MALRD1: variants seen among roughly 807,000 people sequenced by gnomAD.
MALRD1 encodes MAM and LDL receptor class A domain containing 1.
Under a neutral mutation model 242.1 loss-of-function variants are expected in MALRD1, and 247 were observed. That is an observed-to-expected ratio of 1.02 (90% CI 0.92 to 1.13). MALRD1 has a LOEUF of 1.13. MALRD1 is among the 50% of genes most tolerant of loss of function. MALRD1 has a pLI of 0.00. For missense variants in MALRD1, 2,989 were observed against 2,533.1 expected, an observed-to-expected ratio of 1.18 and a Z score of -3.86; for synonymous variants, 995 against 866.6, an observed-to-expected ratio of 1.15 and a Z score of -2.60.
chr10:19,706,744 G>A (rs764536296), intron 38 of MALRD1, among the ~76,000 whole-genome samples: 14 of 152,274 alleles, frequency 9.2e-5, no homozygotes, highest in Non-Finnish European at 1.6e-4. Context: ...AGACAGAGAA[G>A]GATAGCAGTT....
intron 28 of MALRD1, among the ~76,000 whole-genome samples, chr10:19,395,718 T>G (rs1046286636): frequency 6.6e-6 from 1 of 152,212 alleles, no homozygotes; most frequent in African/African-American, 2.4e-5. Flanking sequence ...ATCACAATGC[T>G]CTAGTTATAT....
intron 14 of MALRD1, among the ~76,000 whole-genome samples, chr10:19,179,844 G>C (rs1324884844): frequency 6.6e-6 from 1 of 152,064 alleles, no homozygotes; most frequent in Non-Finnish European, 1.5e-5. Flanking sequence ...TATAGATCCT[G>C]CCTAGTTCTA....
In MALRD1 at chr10:19,165,619, A is replaced by C; in HGVS notation, c.1657-18A>C. On this transcript the variant is annotated intron_variant, in intron 12 of 39. Coordinates refer to ENST00000454679, the MANE Select transcript of MALRD1 (RefSeq NM_001142308.3). ...GGTCAATGGAATATTTATATCATTGAAAACATGTTTTCAACAGGTGCAGTT... is the reference window on the plus strand; with the variant it reads ...GGTCAATGGAATATTTATATCATTGCAAACATGTTTTCAACAGGTGCAGTT... 8.1e-7 allele frequency: 1 copy of C among 1,229,840 alleles called. No homozygotes were observed. The highest frequency in any genetic ancestry group is 1.0e-6 in the Non-Finnish European group (1 of 986,308). The allele number at this position is 1,229,840 out of a possible 1,614,324, so 76.2% of individuals were successfully genotyped here.
At chr10:19,314,833 A>C (rs920921399) in intron 21 of MALRD1, among the ~76,000 whole-genome samples, 1 of 151,268 alleles carries the variant, frequency 6.6e-6, no homozygotes, top group African/African-American at 2.4e-5. Flanking sequence ...TTCTGACCCC[A>C]GTTGTAGACC....
At chr10:19,424,111 G>A (rs1833816599) in intron 28 of MALRD1, among the ~76,000 whole-genome samples, 1 of 152,084 alleles carries the variant, frequency 6.6e-6, no homozygotes, top group Non-Finnish European at 1.5e-5. Context: ...TCTAGCTCAT[G>A]TGTGTTTCTG....
intron 32 of MALRD1, among the ~76,000 whole-genome samples, chr10:19,546,142 G>C (rs1249877328): frequency 1.3e-5 from 2 of 152,102 alleles, no homozygotes; most frequent in Non-Finnish European, 2.9e-5. Flanking sequence ...TGGTTACTTA[G>C]TGTTCTATTT....
At chr10:19,166,828 C>T (rs1371886716) in intron 13 of MALRD1, among the ~76,000 whole-genome samples, 6 of 152,086 alleles carry the variant, frequency 3.9e-5, no homozygotes, top group African/African-American at 1.4e-4. Context: ...ATTTTGGAAA[C>T]TAGATTGGAT....
At chr10:19,105,582 A>G (rs1016917102) in intron 5 of MALRD1, among the ~76,000 whole-genome samples, 3 of 151,924 alleles carry the variant, frequency 2.0e-5, no homozygotes, top group Non-Finnish European at 2.9e-5. Context: ...TGGTACTTCT[A>G]TTTTCAACTT....
At chr10:19,097,117 A>C (rs1482474216) in intron 4 of MALRD1, among the ~76,000 whole-genome samples, 1 of 152,166 alleles carries the variant, frequency 6.6e-6, no homozygotes, top group African/African-American at 2.4e-5. Flanking sequence ...ACTTCTTTGG[A>C]TACATAATTT....
chr10:19,161,466 C>A (rs1834397067), intron 12 of MALRD1, among the ~76,000 whole-genome samples: 1 of 128,830 alleles, frequency 7.8e-6, no homozygotes, highest in African/African-American at 2.8e-5. Context: ...AACTAACCTG[C>A]ACATTGTGCA....
chr10:19,689,191 A>G (rs762291892), intron 36 of MALRD1, among the ~76,000 whole-genome samples: 3 of 152,192 alleles, frequency 2.0e-5, no homozygotes, highest in Non-Finnish European at 2.9e-5. Flanking sequence ...ATATGCTTCT[A>G]TTGCAGGAAA....
intron 13 of MALRD1, among the ~76,000 whole-genome samples, chr10:19,169,891 A>G (rs182518395): frequency 1.3e-3 from 199 of 152,318 alleles, no homozygotes; most frequent in Non-Finnish European, 2.5e-3. Flanking sequence ...CTCTGAACAT[A>G]TTTATACAGT....
In MALRD1 at chr10:19,506,521, A is replaced by G. The variant is rs371377790; in HGVS notation, c.5320+7875A>G. On this transcript the variant is annotated intron_variant, in intron 31 of 39. Transcript: ENST00000454679. Reference sequence around the variant, plus strand: ...AAGTGAGCATCAATTATTCATATCTATTGACACTTGTGTATCATACAAGTG... The same window carrying G: ...AAGTGAGCATCAATTATTCATATCTGTTGACACTTGTGTATCATACAAGTG... 3.9e-5 allele frequency among the ~76,000 whole-genome samples: 6 copies of G among 152,274 alleles called. No homozygotes were observed. The East Asian group carries it at 9.7e-4, about 25-fold the overall frequency.
chr10:19,253,898 G>A (rs1401362644), intron 18 of MALRD1, among the ~76,000 whole-genome samples: 1 of 151,828 alleles, frequency 6.6e-6, no homozygotes, highest in Non-Finnish European at 1.5e-5. Context: ...GTCAAGGGTG[G>A]GACCAGGTGG....
intron 30 of MALRD1, among the ~76,000 whole-genome samples, chr10:19,495,956 A>G (rs925317293): frequency 4.6e-5 from 7 of 152,222 alleles, no homozygotes; most frequent in Non-Finnish European, 4.4e-5. Context: ...CTTTAAACCA[A>G]TAAAGATCAA....
At chr10:19,131,392 AAAG>A (rs966404361) in intron 8 of MALRD1, among the ~76,000 whole-genome samples, 103 of 152,270 alleles carry the variant, frequency 6.8e-4, no homozygotes, top group African/African-American at 2.4e-3. Context: ...TGTTAAATAA[AAAG>A]TTCACTCTTT....
intron 36 of MALRD1, among the ~76,000 whole-genome samples, chr10:19,634,198 C>A (rs1024394444): frequency 6.6e-6 from 1 of 152,044 alleles, no homozygotes; most frequent in African/African-American, 2.4e-5. Flanking sequence ...ACACTGAAAT[C>A]AAAAAGTTAT....
intron 38 of MALRD1, among the ~76,000 whole-genome samples, chr10:19,716,336 T>G (rs1834385861): frequency 6.6e-6 from 1 of 151,904 alleles, no homozygotes; most frequent in Non-Finnish European, 1.5e-5. Context: ...ATTAGCACCA[T>G]CCCCCCCAGT....
intron 28 of MALRD1, among the ~76,000 whole-genome samples, chr10:19,413,687 T>C (rs1833376938): frequency 6.6e-6 from 1 of 152,108 alleles, no homozygotes; most frequent in Admixed American, 6.6e-5. Context: ...GTGAGGTTTT[T>C]TTTAAATGAT....
Sources: allele counts gnomAD v4.1 joint callset (sites outside exome capture counted in the v4.1 genomes callset), GRCh38; gene constraint gnomAD v4.1.1; transcripts MANE v1.5; gene names NCBI Gene and HGNC (gene_info 2026-07-23, HGNC 2026-07-21).